Variants in NSF observed in about 807,000 individuals in gnomAD.
NSF encodes vesicle-fusing ATPase.
NSF carries 14 observed loss-of-function variants against 50.3 expected under a neutral mutation model. The ratio of observed to expected loss-of-function variants is 0.28; its 90% CI spans 0.18 to 0.44. The LOEUF (loss-of-function observed/expected upper bound fraction) is 0.44. NSF is among the 20% of genes least tolerant of loss of function. NSF has a pLI of 1.00. For synonymous variants in NSF, 109 were observed against 175.7 expected (o/e 0.62, Z 3.00); for missense variants, 218 against 504.3 (o/e 0.43, Z 5.44).
rs554578149 is a variant in NSF at position 46,727,399 on chromosome 17, T to G, written c.1828+784T>G. On this transcript the variant is annotated intron_variant, in intron 16 of 20. Transcript: ENST00000398238. The stretch of plus-strand genomic sequence containing the variant: ...GAAGGGGTAATACACTCTATTGAAA[T>G]GGAAACCCACCTGGTGACTTAATAA... Among the ~76,000 whole-genome samples the G allele has an allele frequency of 9.2e-5, 14 of 152,282 alleles. No individual in the cohort carries two copies. In the East Asian group the frequency reaches 2.7e-3, roughly 29 times the overall value.
rs1417456766 is a variant in NSF at position 46,735,504 on chromosome 17, A to T, written c.1908+6570A>T. On this transcript the variant is annotated intron_variant, in intron 17 of 20. Transcript: ENST00000398238. ...AAGAAACCTATGTCTTAGCTCAGAT[A>T]TCATCTGGCATTATAGCCTTGAACG... Among the ~76,000 whole-genome samples the T allele has an allele frequency of 2.6e-5, 4 of 151,824 alleles. No individual in the cohort carries two copies. In the East Asian group the frequency reaches 7.7e-4, roughly 29 times the overall value.
intron 13 of NSF, among the ~76,000 whole-genome samples, chr17:46,709,227 A>G (rs1205214260): frequency 6.6e-6 from 1 of 152,174 alleles, no homozygotes; most frequent in Non-Finnish European, 1.5e-5. Flanking sequence ...ACTTTTAAAT[A>G]TAAAATAATC....
At chr17:46,730,303 A>G (rs2058936945) in intron 17 of NSF, among the ~76,000 whole-genome samples, 1 of 152,162 alleles carries the variant, frequency 6.6e-6, no homozygotes, top group African/African-American at 2.4e-5. Context: ...ATCTCTTAAA[A>G]TAGTTCTTCT....
At chr17:46,753,048 T>C (rs199531) in intron 19 of NSF, among the ~76,000 whole-genome samples, 45,763 of 152,130 alleles carry the variant, frequency 0.3, 7,620 homozygotes, top group East Asian at 0.6. Flanking sequence ...GGATTACAGG[T>C]GTGAGCCACT....
rs781547189 is a variant in NSF, at chr17:46,693,034, T to C, written c.1077T>C (p.Asp359=). 4 of 1,611,714 alleles carry C rather than the reference T, an allele frequency of 2.5e-6. No homozygotes were observed. Among genetic ancestry groups the C allele is most frequent in the Non-Finnish European group, 2.5e-6 (3 of 1,179,618 alleles). The change falls in exon 10 of 21, where the codon GAT becomes GAC. Residue 359 remains aspartate, a synonymous_variant. Coordinates refer to ENST00000398238, the MANE Select transcript of NSF (RefSeq NM_006178.4). ...TCAACCAGTTGCTGTCCAAAATTGA[T>C]GGCGTGGAGCAGCTAAACAACATCC... is the stretch of plus-strand genomic sequence containing the variant. ...TVVNQLLSKI[D]GVEQLNNILV...
At position 46,747,722 on chromosome 17, in the gene NSF, TAGAAAG is replaced by T. The variant is rs1354019758; in HGVS notation, c.1909-2043_1909-2038del. Among the ~76,000 whole-genome samples, 3 of 152,276 alleles carry T rather than the reference TAGAAAG, an allele frequency of 2.0e-5. No individual in the cohort carries two copies. The East Asian group carries it at 5.8e-4, about 29-fold the overall frequency. ...AAATTGATACTAACCTGAAAAGTAT[TAGAAAG>T]AGAAAGAAATAAAAACTAAGAGTAA... On this transcript the variant is annotated intron_variant, in intron 17 of 20. Transcript: ENST00000398238.
intron 8 of NSF, among the ~76,000 whole-genome samples, chr17:46,657,294 C>T (rs900911331): frequency 1.4e-5 from 2 of 140,940 alleles, no homozygotes; most frequent in Admixed American, 1.4e-4. Context: ...TTTGAAAAGT[C>T]AAATGTTAAG....
rs748790167 is a variant in NSF at position 46,711,026 on chromosome 17, G to C, written c.1534G>C (p.Asp512His). Residue 512 changes from aspartate to histidine, a missense_variant, in exon 14 of 21, where the codon GAC becomes CAC. Physicochemically the swap from Asp to His is moderately conservative, Grantham distance 81 (BLOSUM62 -1). Coordinates refer to ENST00000398238, the MANE Select transcript of NSF (RefSeq NM_006178.4). ...TATGAACGGTATCATCAAATGGGGT[G>C]ACCCAGTTACTCGAGTTCTAGATGA... Reference protein sequence around the residue: ...YIMNGIIKWGDPVTRVLDDGE... With the variant: ...YIMNGIIKWGHPVTRVLDDGE... 3.8e-6 allele frequency: 6 copies of C among 1,593,130 alleles called. No individual in the cohort carries two copies. In the South Asian group the frequency reaches 5.8e-5, roughly 15 times the overall value.
At chr17:46,749,280 T>A (rs140953266) in intron 17 of NSF, among the ~76,000 whole-genome samples, 1 of 152,336 alleles carries the variant, frequency 6.6e-6, no homozygotes, top group African/African-American at 2.4e-5. Flanking sequence ...ATATTAAATG[T>A]GACAATTATG....
At chr17:46,625,879 TAAAAAAAA>T (rs147622864) in intron 2 of NSF, among the ~76,000 whole-genome samples, 6 of 59,034 alleles carry the variant, frequency 1.0e-4, no homozygotes, top group African/African-American at 4.5e-4. Flanking sequence ...CCACATGTAT[TAAAAAAAA>T]AAAAAAAAAA....
chr17:46,728,425 A>T (rs1484654869), intron 16 of NSF, among the ~76,000 whole-genome samples: 2 of 152,146 alleles, frequency 1.3e-5, no homozygotes, highest in East Asian at 1.9e-4. Flanking sequence ...CAGAAAAAAC[A>T]TCTACATGAA....
In NSF at chr17:46,709,989, A is replaced by G. The variant is rs71375361; in HGVS notation, c.1471-974A>G. Among the ~76,000 whole-genome samples the G allele has an allele frequency of 5.2e-3, 786 of 152,332 alleles. 11 individuals carry two copies. Among genetic ancestry groups the G allele is most frequent in the African/African-American group, 0.018 (737 of 41,570 alleles). On this transcript the variant is annotated intron_variant, in intron 13 of 20. Transcript: ENST00000398238. ...AAATTATTTTGTGGCAAAGTAATAG[A>G]GATATGAGATCACTGGATACTGTTT...
intron 17 of NSF, among the ~76,000 whole-genome samples, chr17:46,729,802 A>G (rs140918190): frequency 1.3e-5 from 2 of 152,316 alleles, no homozygotes; most frequent in East Asian, 1.9e-4. Context: ...TAACAGTTAT[A>G]TATGTGCGTG....
intron 17 of NSF, among the ~76,000 whole-genome samples, chr17:46,745,398 T>C (rs1334420825): frequency 1.3e-5 from 2 of 152,216 alleles, no homozygotes; most frequent in East Asian, 1.9e-4. Flanking sequence ...ATGACCTCTT[T>C]GCAGTTTTTG....
At chr17:46,736,829 T>C (rs909341521) in intron 17 of NSF, among the ~76,000 whole-genome samples, 33 of 152,154 alleles carry the variant, frequency 2.2e-4, no homozygotes, top group African/African-American at 8.0e-4. Context: ...ATGCTGTGGG[T>C]TTTGGAGTAA....
chr17:46,714,970 G>A (rs1057007286), intron 15 of NSF, among the ~76,000 whole-genome samples: 4 of 152,072 alleles, frequency 2.6e-5, no homozygotes, highest in African/African-American at 7.2e-5. Flanking sequence ...AGAATTCTTC[G>A]GTGTTTCTTT....
chr17:46,711,545 G>C (rs1352140525), intron 14 of NSF, among the ~76,000 whole-genome samples: 1 of 152,160 alleles, frequency 6.6e-6, no homozygotes, highest in Non-Finnish European at 1.5e-5. Flanking sequence ...GTGTGTAAAG[G>C]TGTGTGTGAA....
At chr17:46,753,314 T>A (rs2059201956) in intron 19 of NSF, among the ~76,000 whole-genome samples, 1 of 152,248 alleles carries the variant, frequency 6.6e-6, no homozygotes, top group East Asian at 1.9e-4. Flanking sequence ...CTTGGACCAA[T>A]AACAAATTGG....
rs2058511128 is a variant in NSF at position 46,688,222 on chromosome 17, A to G, written c.946-4681A>G. ...TAAACAACAAAAACTATAAAACTTT[A>G]TTGGGAAGCTGGGCCCAATGGCTCA... On this transcript the variant is annotated intron_variant, in intron 9 of 20. Transcript: ENST00000398238. 2.0e-5 allele frequency among the ~76,000 whole-genome samples: 3 copies of G among 150,684 alleles called. No homozygotes were observed. In the South Asian group the frequency reaches 6.2e-4, roughly 31 times the overall value.
Sources: allele counts gnomAD v4.1 joint callset (sites outside exome capture counted in the v4.1 genomes callset), GRCh38; gene constraint gnomAD v4.1.1; transcripts MANE v1.5; gene names NCBI Gene and HGNC (gene_info 2026-07-23, HGNC 2026-07-21).